Variants in GPAM observed in about 807,000 individuals in gnomAD.
GPAM encodes glycerol-3-phosphate acyltransferase 1, mitochondrial.
Under a neutral mutation model 105.0 loss-of-function variants are expected in GPAM, and 56 were observed. The ratio of observed to expected loss-of-function variants is 0.53; its 90% CI spans 0.43 to 0.67. The LOEUF (loss-of-function observed/expected upper bound fraction) is 0.67. GPAM is among the 30% of genes least tolerant of loss of function. The pLI is 0.00. For synonymous variants in GPAM, 368 were observed against 354.4 expected (o/e 1.04, Z -0.43); for missense variants, 855 against 989.8 (o/e 0.86, Z 1.83).
chr10:112,152,705 C>A lies in GPAM; in HGVS notation c.*845G>T. The A allele has an allele frequency of 2.0e-6, 2 of 984,806 alleles. No individual in the cohort carries two copies. The highest frequency in any genetic ancestry group is 2.4e-6 in the Non-Finnish European group (2 of 829,380). The allele number at this position is 984,806 out of a possible 1,614,324, so 61.0% of individuals were successfully genotyped here. A position where few individuals can be genotyped will look rare whatever the true frequency, so the allele number is the denominator to read the frequency against. On this transcript the variant is annotated 3_prime_UTR_variant, in exon 22 of 22. Transcript: ENST00000348367. ...CTGTACCTGTGAGAGGCAGGTATTA[C>A]CTGAGGGGTGGACGAGGTACAGACA...
At position 112,160,374 on chromosome 10, in the gene GPAM, C is replaced by T. The variant is rs183841577; in HGVS notation, c.1759+230G>A. The stretch of plus-strand genomic sequence containing the variant: ...TTTTCAGCTCCTGGATAGCAAGACA[C>T]TCTACCTCTCCTGAAAAATAAGGGT... On this transcript the variant is annotated intron_variant, in intron 16 of 21. Transcript: ENST00000348367. 2.4e-3 allele frequency: 2,299 copies of T among 972,952 alleles called. 7 individuals carry two copies. The highest frequency in any genetic ancestry group is 2.7e-3 in the Non-Finnish European group (2,188 of 818,668). The allele number at this position is 972,952 out of a possible 1,614,324, so 60.3% of individuals were successfully genotyped here.
chr10:112,192,343 T>C (rs1233884021), intron 1 of GPAM, among the ~76,000 whole-genome samples: 5 of 152,152 alleles, frequency 3.3e-5, no homozygotes, highest in African/African-American at 1.2e-4. Flanking sequence ...TATGTAGGGA[T>C]GGAGACAGTA....
chr10:112,181,204 A>AT (rs1209322824), intron 3 of GPAM, among the ~76,000 whole-genome samples: 2 of 151,510 alleles, frequency 1.3e-5, no homozygotes, highest in African/African-American at 4.8e-5. Flanking sequence ...AAACCCCACC[A>AT]TTTTTTATAT....
chr10:112,209,704 T>C (rs1847890131), intron 1 of GPAM, among the ~76,000 whole-genome samples: 1 of 152,174 alleles, frequency 6.6e-6, no homozygotes, highest in African/African-American at 2.4e-5. Context: ...CAGTCACTTT[T>C]TGGAATTGAC....
upstream of GPAM, among the ~76,000 whole-genome samples, chr10:112,215,618 C>A (rs965341443): frequency 2.7e-5 from 4 of 149,470 alleles, no homozygotes; most frequent in Admixed American, 2.7e-4. Flanking sequence ...GAGTAAAGCT[C>A]TGAGCTCAGT....
intron 5 of GPAM, among the ~76,000 whole-genome samples, chr10:112,176,742 TTGTG>T (rs1274380149): frequency 2.0e-5 from 3 of 152,204 alleles, no homozygotes; most frequent in Non-Finnish European, 2.9e-5. Context: ...ACTGAAAGCA[TTGTG>T]TGTGTGTGCG....
chr10:112,161,007 C>T, intron 15 of GPAM, 139 bp from the exon 16 acceptor site: 1 of 729,050 alleles, frequency 1.4e-6, no homozygotes, highest in Non-Finnish European at 2.4e-6. Context: ...AGGGCCAGAA[C>T]ACCAATGCAG....
intron 1 of GPAM, among the ~76,000 whole-genome samples, chr10:112,202,677 T>A (rs902573001): frequency 2.0e-5 from 3 of 152,228 alleles, no homozygotes; most frequent in Non-Finnish European, 4.4e-5. Flanking sequence ...AATTTTCATC[T>A]CAAGCATGTC....
chr10:112,188,537 T>C (rs934889801), upstream of GPAM, among the ~76,000 whole-genome samples: 9 of 152,186 alleles, frequency 5.9e-5, no homozygotes, highest in Middle Eastern at 3.2e-3. Context: ...TGTTTCCCTC[T>C]CTATGATTTT....
the GPAM span, among the ~76,000 whole-genome samples, chr10:112,225,239 C>G: frequency 1.3e-5 from 2 of 152,310 alleles, no homozygotes; most frequent in East Asian, 3.9e-4. Context: ...CAAATTTGCC[C>G]ACAATTCCAA....
chr10:112,217,529 C>T (rs1383492674), upstream of GPAM, among the ~76,000 whole-genome samples: 3 of 151,930 alleles, frequency 2.0e-5, no homozygotes, highest in African/African-American at 7.3e-5. Flanking sequence ...TTCACAACCT[C>T]ATAGCAGGGA....
chr10:112,157,161 A>C, intron 19 of GPAM, 88 bp downstream of exon 19: 1 of 1,137,724 alleles, frequency 8.8e-7, no homozygotes, highest in Non-Finnish European at 1.3e-6. Context: ...TTAGATAAGA[A>C]GACATCACCA....
chr10:112,190,748 A>T (rs1365820636), intron 1 of GPAM, among the ~76,000 whole-genome samples: 1 of 152,140 alleles, frequency 6.6e-6, no homozygotes, highest in East Asian at 1.9e-4. Flanking sequence ...ATTACCCATC[A>T]CATATATATT....
intron 2 of GPAM, 101 bp from the exon 3 acceptor site, chr10:112,181,914 A>T: frequency 1.5e-6 from 1 of 678,334 alleles, no homozygotes; most frequent in East Asian, 2.8e-5. Context: ...ACAATGGGAT[A>T]TCACATGAAC....
At position 112,159,913 on chromosome 10, in the gene GPAM, G is replaced by A; in HGVS notation, c.1900C>T (p.Leu634=). The change falls in exon 17 of 22, where the codon CTG becomes TTG. Residue 634 remains leucine, a splice_region_variant and synonymous_variant. Transcript: ENST00000348367. The part of the protein sequence containing the change: ...YLLSNEGTIS[L]PCQTFYQVCH... ...AACACTGAAGGGTCTTCACTCACCAGTGAGATGGTGCCTTCATTGGAGAGA... is the reference window on the plus strand; with the variant it reads ...AACACTGAAGGGTCTTCACTCACCAATGAGATGGTGCCTTCATTGGAGAGA... 6.2e-7 allele frequency: 1 copy of A among 1,613,568 alleles called. No homozygotes were observed. Among genetic ancestry groups the A allele is most frequent in the South Asian group, 1.1e-5 (1 of 91,068 alleles).
At chr10:112,223,158 C>A in the GPAM span, among the ~76,000 whole-genome samples, 3 of 152,186 alleles carry the variant, frequency 2.0e-5, no homozygotes, top group Non-Finnish European at 4.4e-5. Context: ...TTTGCTCTCT[C>A]CTTTCACAGG....
chr10:112,189,428 A>G (rs541523243), intron 1 of GPAM, among the ~76,000 whole-genome samples: 2 of 152,290 alleles, frequency 1.3e-5, no homozygotes, highest in East Asian at 3.9e-4. Flanking sequence ...AGTTTCAAAA[A>G]TCAGCATCAA....
chr10:112,221,326 G>A, the GPAM span, among the ~76,000 whole-genome samples: 1 of 152,172 alleles, frequency 6.6e-6, no homozygotes, highest in African/African-American at 2.4e-5. Context: ...AGTAGACTGT[G>A]AGAGCCAATC....
upstream of GPAM, among the ~76,000 whole-genome samples, chr10:112,216,689 T>C (rs1374151871): frequency 2.0e-5 from 3 of 152,042 alleles, no homozygotes; most frequent in Non-Finnish European, 1.5e-5. Context: ...AGTGGTGTGA[T>C]CTTGGCTCAC....
Sources: allele counts gnomAD v4.1 joint callset (sites outside exome capture counted in the v4.1 genomes callset), GRCh38; gene constraint gnomAD v4.1.1; transcripts MANE v1.5; gene names NCBI Gene and HGNC (gene_info 2026-07-23, HGNC 2026-07-21).